PTPRM: variants seen among roughly 807,000 people sequenced by gnomAD.
PTPRM encodes the protein protein tyrosine phosphatase receptor type M.
Under a neutral mutation model 186.7 loss-of-function variants are expected in PTPRM, and 47 were observed. That is an observed-to-expected ratio of 0.25 (90% CI 0.20 to 0.32). The LOEUF (loss-of-function observed/expected upper bound fraction) is 0.32, where lower values mean the gene tolerates loss of function less well. Ranked by LOEUF, PTPRM falls within the 10% of genes least tolerant of loss-of-function variation. The pLI, the probability that PTPRM is intolerant of heterozygous loss-of-function variation, is 1.00. For synonymous variants in PTPRM, 668 were observed against 674.9 expected, an observed-to-expected ratio of 0.99 and a Z score of 0.16; for missense variants, 1,494 against 1,865.0, an observed-to-expected ratio of 0.80 and a Z score of 3.66.
At chr18:8,189,006 C>G (rs1431979700) in intron 14 of PTPRM, among the ~76,000 whole-genome samples, 3 of 152,076 alleles carry the variant, frequency 2.0e-5, no homozygotes, top group Non-Finnish European at 4.4e-5. Flanking sequence ...GTTTTTCATT[C>G]ATAGATCTCA....
At chr18:8,262,591 T>G (rs957200013) in intron 19 of PTPRM, among the ~76,000 whole-genome samples, 2 of 152,194 alleles carry the variant, frequency 1.3e-5, no homozygotes, top group Non-Finnish European at 2.9e-5. Flanking sequence ...CAAATCCCTT[T>G]GGACACAGCT....
intron 1 of PTPRM, among the ~76,000 whole-genome samples, chr18:7,692,530 A>G (rs181450240): frequency 1.4e-4 from 21 of 152,362 alleles, no homozygotes; most frequent in South Asian, 6.2e-4. Context: ...ATGGGATTAA[A>G]AAATGTATTC....
At chr18:8,232,491 G>A (rs1259017871) in intron 14 of PTPRM, among the ~76,000 whole-genome samples, 1 of 152,182 alleles carries the variant, frequency 6.6e-6, no homozygotes, top group Non-Finnish European at 1.5e-5. Flanking sequence ...GGATCATATG[G>A]GAAGAATATG....
chr18:8,391,915 C>G (rs887661960), intron 31 of PTPRM, among the ~76,000 whole-genome samples: 1 of 152,154 alleles, frequency 6.6e-6, no homozygotes, highest in Non-Finnish European at 1.5e-5. Flanking sequence ...TCTTACCAAG[C>G]CCTGGAACTA....
At chr18:7,766,071 A>G (rs2042002079) in intron 1 of PTPRM, among the ~76,000 whole-genome samples, 1 of 152,180 alleles carries the variant, frequency 6.6e-6, no homozygotes, top group African/African-American at 2.4e-5. Context: ...TACAATGCAA[A>G]TCACTGAACA....
chr18:8,073,400 C>T (rs1043558569), intron 8 of PTPRM, among the ~76,000 whole-genome samples: 8 of 152,196 alleles, frequency 5.3e-5, no homozygotes, highest in East Asian at 1.9e-4. Context: ...GAGACTTAGT[C>T]GAGTTTTCTC....
intron 31 of PTPRM, among the ~76,000 whole-genome samples, chr18:8,389,209 C>T (rs1283251767): frequency 1.3e-5 from 2 of 152,132 alleles, no homozygotes; most frequent in East Asian, 1.9e-4. Flanking sequence ...AGACCCCCAG[C>T]GTCTGGAGCT....
chr18:7,952,053 T>C (rs1030811043), intron 6 of PTPRM, among the ~76,000 whole-genome samples: 1 of 152,232 alleles, frequency 6.6e-6, no homozygotes, highest in African/African-American at 2.4e-5. Flanking sequence ...GACATAAAAA[T>C]ATTTCATATA....
chr18:7,864,445 A>G (rs1160854816), intron 2 of PTPRM, among the ~76,000 whole-genome samples: 1 of 152,202 alleles, frequency 6.6e-6, no homozygotes, highest in Non-Finnish European at 1.5e-5. Flanking sequence ...ACCATTTATT[A>G]AATAGGGAAT....
intron 1 of PTPRM, among the ~76,000 whole-genome samples, chr18:7,612,187 G>C (rs1937357594): frequency 6.6e-6 from 1 of 152,142 alleles, no homozygotes; most frequent in African/African-American, 2.4e-5. Flanking sequence ...CTGTGTGTGT[G>C]TGTGTGTGTG....
Position 8,198,273 on chromosome 18 carries a change from A to G in PTPRM, c.2301-45785A>G, listed in dbSNP as rs138433431. Among the ~76,000 whole-genome samples, 292 of 152,128 alleles carry G rather than the reference A, an allele frequency of 1.9e-3. 1 individual carries two copies. The highest frequency in any genetic ancestry group is 6.7e-3 in the African/African-American group (277 of 41,512). On this transcript the variant is annotated intron_variant, in intron 14 of 32. Transcript: ENST00000580170. ...GTGATCCTCCCACCTCAGCCTCCCA[A>G]GTAGCTGGGACCTACAGACGTGTAC...
At chr18:8,304,127 A>G (rs1195357934) in intron 20 of PTPRM, among the ~76,000 whole-genome samples, 1 of 152,124 alleles carries the variant, frequency 6.6e-6, no homozygotes, top group African/African-American at 2.4e-5. Flanking sequence ...TCAGTGATAC[A>G]CTCTATTTCT....
chr18:7,662,724 A>T (rs1598325112), intron 1 of PTPRM, among the ~76,000 whole-genome samples: 1 of 152,326 alleles, frequency 6.6e-6, no homozygotes, highest in African/African-American at 2.4e-5. Flanking sequence ...AATTGTTTGT[A>T]ACACAAAGGA....
chr18:7,822,427 T>C (rs1313130360), intron 2 of PTPRM, among the ~76,000 whole-genome samples: 12 of 152,266 alleles, frequency 7.9e-5, no homozygotes, highest in Admixed American at 6.5e-4. Flanking sequence ...TGAGAGTTTC[T>C]GTTCTGATTG....
At chr18:8,322,541 A>G (rs606739) in intron 22 of PTPRM, among the ~76,000 whole-genome samples, 149,325 of 152,236 alleles carry the variant, frequency 0.98, 73,296 homozygotes, top group East Asian at 1. Context: ...GCAAACCAGG[A>G]GCTCAAAGGA....
chr18:7,782,281 A>C (rs989655263), intron 2 of PTPRM, among the ~76,000 whole-genome samples: 1 of 151,970 alleles, frequency 6.6e-6, no homozygotes, highest in Non-Finnish European at 1.5e-5. Context: ...GGTTCTTCCC[A>C]TGAGGGAGAT....
chr18:7,959,652 G>T (rs137968142), intron 7 of PTPRM, among the ~76,000 whole-genome samples: 159 of 152,296 alleles, frequency 1.0e-3, no homozygotes, highest in African/African-American at 3.7e-3. Flanking sequence ...CTCCATGCAA[G>T]ACCTTGATCC....
chr18:7,870,502 TGAC>T (rs1248228778), intron 2 of PTPRM, among the ~76,000 whole-genome samples: 1 of 152,198 alleles, frequency 6.6e-6, no homozygotes, highest in African/African-American at 2.4e-5. Context: ...TGCATGGATT[TGAC>T]GACATCTGTT....
chr18:8,391,580 G>A (rs78313506), intron 31 of PTPRM, among the ~76,000 whole-genome samples: 2 of 152,272 alleles, frequency 1.3e-5, no homozygotes, highest in South Asian at 4.1e-4. Context: ...ATTCTCTTTG[G>A]TGATACTGAT....
Sources: allele counts gnomAD v4.1 joint callset (sites outside exome capture counted in the v4.1 genomes callset), GRCh38; gene constraint gnomAD v4.1.1; transcripts MANE v1.5; gene names NCBI Gene and HGNC (gene_info 2026-07-23, HGNC 2026-07-21).